KIAA1217: variants seen among roughly 807,000 people sequenced by gnomAD.
KIAA1217 encodes sickle tail protein homolog.
KIAA1217 carries 88 observed loss-of-function variants against 163.9 expected under a neutral mutation model. The ratio of observed to expected loss-of-function variants is 0.54; its 90% CI spans 0.45 to 0.64. The LOEUF (loss-of-function observed/expected upper bound fraction) is 0.64. Among genes scored for constraint, KIAA1217 ranks in the 30% least tolerant of loss-of-function variants. The pLI is 0.00. For missense variants in KIAA1217, 2,372 were observed against 2,475.0 expected (o/e 0.96, Z 0.88); for synonymous variants, 903 against 923.1 (o/e 0.98, Z 0.39).
Position 23,816,167 on chromosome 10 carries a change from T to C in KIAA1217, c.-321+120933T>C, listed in dbSNP as rs1188655210. 2.0e-5 allele frequency among the ~76,000 whole-genome samples: 3 copies of C among 152,190 alleles called. No homozygotes were observed. The South Asian group carries it at 6.2e-4, about 31-fold the overall frequency. ...CTGTAAAGGTCCCCTCTGCAAGGCATTGAGTGACATTTTGAATACACACAA... is the reference window on the plus strand; with the variant it reads ...CTGTAAAGGTCCCCTCTGCAAGGCACTGAGTGACATTTTGAATACACACAA... On this transcript the variant is annotated intron_variant, in intron 1 of 18. Transcript: ENST00000376462.
chr10:24,285,722 C>T (rs969935569), intron 2 of KIAA1217, among the ~76,000 whole-genome samples: 3 of 152,092 alleles, frequency 2.0e-5, no homozygotes, highest in Non-Finnish European at 2.9e-5. Context: ...ACTTTTTCTT[C>T]TAATTCTATG....
intron 1 of KIAA1217, among the ~76,000 whole-genome samples, chr10:24,007,063 G>T (rs4748923): frequency 0.21 from 31,949 of 151,984 alleles, 4,070 homozygotes; most frequent in Non-Finnish European, 0.27. Flanking sequence ...TAACTATAAA[G>T]CCCTGTGTGT....
chr10:24,083,070 T>C (rs1039823423), intron 2 of KIAA1217, among the ~76,000 whole-genome samples: 5 of 152,212 alleles, frequency 3.3e-5, no homozygotes, highest in African/African-American at 4.8e-5. Flanking sequence ...TTCATATCCT[T>C]TGGGCATCAA....
At chr10:23,880,556 A>G (rs766557723) in intron 1 of KIAA1217, among the ~76,000 whole-genome samples, 5 of 152,092 alleles carry the variant, frequency 3.3e-5, no homozygotes, top group Admixed American at 2.6e-4. Flanking sequence ...CAGGGTGACT[A>G]TAGTAAAAAA....
intron 9 of KIAA1217, among the ~76,000 whole-genome samples, chr10:24,503,846 C>T (rs1325991772): frequency 1.3e-5 from 2 of 152,188 alleles, no homozygotes; most frequent in Non-Finnish European, 2.9e-5. Context: ...CTGGCCATTT[C>T]GAAATTGTTA....
intron 1 of KIAA1217, among the ~76,000 whole-genome samples, chr10:23,951,795 T>C (rs529497027): frequency 5.9e-5 from 9 of 152,330 alleles, no homozygotes; most frequent in East Asian, 3.9e-4. Flanking sequence ...ATTTTCCAAA[T>C]GGAAAATGGT....
At position 24,098,101 on chromosome 10, in the gene KIAA1217, T is replaced by C. The variant is rs562037736; in HGVS notation, c.-171+90727T>C. 1.1e-4 allele frequency among the ~76,000 whole-genome samples: 17 copies of C among 152,176 alleles called. No homozygotes were observed. In the South Asian group the frequency reaches 3.3e-3, roughly 30 times the overall value. On this transcript the variant is annotated intron_variant, in intron 2 of 18. Transcript: ENST00000376462. ...GCCGTGCTTGTGAGCATGTGGGTTATGGACCTGATGACCTTTGGTTTTCTG... is the reference window on the plus strand; with the variant it reads ...GCCGTGCTTGTGAGCATGTGGGTTACGGACCTGATGACCTTTGGTTTTCTG...
intron 5 of KIAA1217, among the ~76,000 whole-genome samples, chr10:24,460,504 G>C (rs965824191): frequency 6.6e-6 from 1 of 152,024 alleles, no homozygotes; most frequent in Admixed American, 6.6e-5. Context: ...AATTGAACCT[G>C]GCAGATCTGT....
intron 1 of KIAA1217, among the ~76,000 whole-genome samples, chr10:23,899,660 G>C (rs1838187947): frequency 1.3e-5 from 2 of 152,092 alleles, no homozygotes; most frequent in South Asian, 4.1e-4. Context: ...ATCTCCTGAT[G>C]CTGCACAGAA....
At chr10:23,783,257 T>C (rs1304285751) in intron 1 of KIAA1217, among the ~76,000 whole-genome samples, 1 of 152,216 alleles carries the variant, frequency 6.6e-6, no homozygotes, top group Non-Finnish European at 1.5e-5. Context: ...TTGGGCCACA[T>C]TTAAAGCTAT....
chr10:24,020,576 A>G (rs1847690347), intron 2 of KIAA1217, among the ~76,000 whole-genome samples: 1 of 152,000 alleles, frequency 6.6e-6, no homozygotes, highest in Non-Finnish European at 1.5e-5. Context: ...GTCAAAGAAG[A>G]GGTGAAAATG....
intron 1 of KIAA1217, among the ~76,000 whole-genome samples, chr10:23,987,076 T>G (rs1233449710): frequency 6.6e-6 from 1 of 151,894 alleles, no homozygotes; most frequent in Non-Finnish European, 1.5e-5. Context: ...GTTAAAAAGG[T>G]TTCCAAAAAC....
chr10:24,291,615 TG>T (rs903790209), intron 2 of KIAA1217, among the ~76,000 whole-genome samples: 5 of 152,294 alleles, frequency 3.3e-5, no homozygotes, highest in African/African-American at 1.2e-4. Context: ...AGGCAGTCTG[TG>T]GGGACAGTAA....
chr10:24,304,203 A>G (rs201135224), intron 2 of KIAA1217, among the ~76,000 whole-genome samples: 2 of 125,216 alleles, frequency 1.6e-5, no homozygotes, highest in Non-Finnish European at 3.2e-5. Context: ...ATATTAGGTT[A>G]CCTTTTTTTT....
At chr10:23,954,332 A>G (rs985422230) in intron 1 of KIAA1217, among the ~76,000 whole-genome samples, 1 of 152,116 alleles carries the variant, frequency 6.6e-6, no homozygotes, top group African/African-American at 2.4e-5. Flanking sequence ...TGGGAAGCCA[A>G]GCTGGGTGGA....
chr10:24,439,250 T>G (rs2060295793), intron 5 of KIAA1217, among the ~76,000 whole-genome samples: 1 of 152,132 alleles, frequency 6.6e-6, no homozygotes, highest in Admixed American at 6.6e-5. Flanking sequence ...AAAAGAAGAT[T>G]AGCTTCTCAG....
intron 2 of KIAA1217, among the ~76,000 whole-genome samples, chr10:24,180,446 C>T (rs999491408): frequency 4.6e-5 from 7 of 151,980 alleles, no homozygotes; most frequent in Non-Finnish European, 1.0e-4. Flanking sequence ...GCCACTATAC[C>T]TGGCTAGTTT....
intron 2 of KIAA1217, among the ~76,000 whole-genome samples, chr10:24,152,037 C>T (rs2064641283): frequency 6.6e-6 from 1 of 152,240 alleles, no homozygotes; most frequent in East Asian, 1.9e-4. Context: ...TCAGACCTAA[C>T]ATTCTAGTTC....
chr10:24,364,982 T>C (rs220334), intron 2 of KIAA1217, among the ~76,000 whole-genome samples: 102,068 of 151,612 alleles, frequency 0.67, 34,895 homozygotes, highest in South Asian at 0.77. Context: ...TCTTTCATCT[T>C]TTGTGGTAAT....
Sources: gnomAD v4.1 joint callset for allele counts (sites outside exome capture counted in the v4.1 genomes callset) on GRCh38, gnomAD v4.1.1 for gene constraint, MANE v1.5 for transcripts, NCBI Gene and HGNC (gene_info 2026-07-23, HGNC 2026-07-21) for gene names.